Variants in PKHD1 observed in about 807,000 individuals in gnomAD.
PKHD1 encodes the protein fibrocystin.
In PKHD1, 291 loss-of-function variants were observed where a neutral mutation model predicts 412.0. The observed-to-expected ratio is 0.71, with a 90% CI of 0.64 to 0.78. PKHD1 has a LOEUF of 0.78. Among genes scored for constraint, PKHD1 ranks in the 30% least tolerant of loss-of-function variants. The pLI is 0.00. For missense variants in PKHD1, 4,825 were observed against 4,950.7 expected, an observed-to-expected ratio of 0.97 and a Z score of 0.76; for synonymous variants, 1,777 against 1,821.5, an observed-to-expected ratio of 0.98 and a Z score of 0.62.
At chr6:51,852,857 T>G (rs1772559625) in intron 49 of PKHD1, among the ~76,000 whole-genome samples, 1 of 152,174 alleles carries the variant, frequency 6.6e-6, no homozygotes, top group Admixed American at 6.5e-5. Flanking sequence ...GCCTGACTCC[T>G]TATCCAATTT....
chr6:51,739,151 C>T (rs1784241553), intron 60 of PKHD1, among the ~76,000 whole-genome samples: 1 of 147,456 alleles, frequency 6.8e-6, no homozygotes, highest in South Asian at 2.1e-4. Flanking sequence ...TACATACACA[C>T]ATATAAAATA....
chr6:51,659,957 T>C lies in PKHD1; in HGVS notation c.10169A>G (p.Glu3390Gly). Residue 3390 changes from glutamate (E) to glycine (G), a missense_variant, in exon 61 of 67, where the codon GAA becomes GGA. Glu to Gly is a moderately conservative substitution (Grantham distance 98). Coordinates refer to ENST00000371117, the MANE Select transcript of PKHD1 (RefSeq NM_138694.4). ...AAATTGGTATGTACATTTCTGTTCT[T>C]CTCTAAATGTACCTATAAAAGAAAA... is the stretch of plus-strand genomic sequence containing the variant. ...ASFFNAGTFR[E>G]EQKCTYQFLM... The C allele has an allele frequency of 6.3e-7, 1 of 1,597,844 alleles. No homozygotes were observed.
intron 52 of PKHD1, among the ~76,000 whole-genome samples, chr6:51,827,541 A>G (rs1767517395): frequency 6.6e-6 from 1 of 152,092 alleles, no homozygotes; most frequent in Non-Finnish European, 1.5e-5. Context: ...AAGGATCCCC[A>G]ATATACCCTT....
chr6:52,082,301 G>A, intron 4 of PKHD1, 91 bp downstream of exon 4: 1 of 1,298,704 alleles, frequency 7.7e-7, no homozygotes, highest in Non-Finnish European at 1.1e-6. Flanking sequence ...TTGAATCACA[G>A]CAAAAATTGC....
chr6:51,667,017 G>A (rs1367214574), intron 60 of PKHD1, among the ~76,000 whole-genome samples: 4 of 149,136 alleles, frequency 2.7e-5, no homozygotes, highest in African/African-American at 9.9e-5. Context: ...GTGTGCATGT[G>A]TCTTTATAGC....
At chr6:51,935,765 TA>T (rs1787375565) in intron 36 of PKHD1, among the ~76,000 whole-genome samples, 1 of 152,230 alleles carries the variant, frequency 6.6e-6, no homozygotes, top group Admixed American at 6.5e-5. Flanking sequence ...CCTCAGGGCA[TA>T]AGCTCTTCCC....
intron 36 of PKHD1, among the ~76,000 whole-genome samples, chr6:51,941,709 T>C (rs1788606651): frequency 6.6e-6 from 1 of 151,618 alleles, no homozygotes; most frequent in African/African-American, 2.4e-5. Flanking sequence ...CCATATACTC[T>C]CCTATCCTCA....
Position 51,772,788 on chromosome 6 carries a change from C to T in PKHD1, c.8556G>A (p.Gly2852=). ...TGTAAAGATGAACTTTCCCATAAAC[C>T]CCTGAAAATAAAAGGAGTAACAGTT... is the stretch of plus-strand genomic sequence containing the variant. ...NGIHIDPGTI[G]VYGKVHLYSA... Residue 2852 remains glycine (G), a splice_region_variant and synonymous_variant, in exon 55 of 67, where the codon GGG becomes GGA. Coordinates refer to ENST00000371117, the MANE Select transcript of PKHD1 (RefSeq NM_138694.4). The T allele has an allele frequency of 6.5e-7, 1 of 1,550,272 alleles. No individual in the cohort carries two copies. Among genetic ancestry groups the T allele is most frequent in the Non-Finnish European group, 8.9e-7 (1 of 1,122,622 alleles).
intron 66 of PKHD1, among the ~76,000 whole-genome samples, chr6:51,619,927 C>A (rs1766398351): frequency 6.6e-6 from 1 of 152,170 alleles, no homozygotes; most frequent in Non-Finnish European, 1.5e-5. Context: ...AATACTTAGG[C>A]TCTTATACCA....
chr6:51,941,480 C>A (rs1370635501), intron 36 of PKHD1, among the ~76,000 whole-genome samples: 1 of 150,532 alleles, frequency 6.6e-6, no homozygotes, highest in Admixed American at 6.6e-5. Context: ...TGGTCTCGAT[C>A]TCCTGACCTC....
chr6:51,801,654 T>TGAGAGAGA (rs10582944), intron 52 of PKHD1, among the ~76,000 whole-genome samples: 1 of 114,206 alleles, frequency 8.8e-6, no homozygotes, highest in Non-Finnish European at 1.8e-5. Context: ...TGTGTGTGTG[T>TGAGAGAGA]GAGAGAGAGA....
chr6:51,911,654 T>C, intron 39 of PKHD1, 145 bp downstream of exon 39: 2 of 714,018 alleles, frequency 2.8e-6, no homozygotes, highest in South Asian at 3.2e-5. Flanking sequence ...AAGAGCATTC[T>C]GAAAACTACA....
At chr6:51,627,239 T>A (rs1442330356) in intron 65 of PKHD1, 123 bp from the exon 66 acceptor site, 1 of 888,200 alleles carries the variant, frequency 1.1e-6, no homozygotes, top group Non-Finnish European at 1.9e-6. Flanking sequence ...ACAGAAAGCA[T>A]ATAACATATT....
At chr6:51,939,699 G>A (rs961677960) in intron 36 of PKHD1, among the ~76,000 whole-genome samples, 2 of 151,170 alleles carry the variant, frequency 1.3e-5, no homozygotes, top group East Asian at 1.9e-4. Flanking sequence ...TTCCCAATGC[G>A]ACTCATCCCA....
chr6:51,796,691 G>A (rs1049604059), intron 52 of PKHD1, among the ~76,000 whole-genome samples: 3 of 151,630 alleles, frequency 2.0e-5, no homozygotes, highest in Non-Finnish European at 2.9e-5. Flanking sequence ...ATTCTGGTAT[G>A]GTGTATCTTT....
At chr6:51,702,602 G>C (rs1004330852) in intron 60 of PKHD1, among the ~76,000 whole-genome samples, 2 of 151,588 alleles carry the variant, frequency 1.3e-5, no homozygotes, top group African/African-American at 4.8e-5. Flanking sequence ...CTGAGAAATT[G>C]GTACAAATTA....
chr6:52,079,052 T>C (rs549863927), intron 5 of PKHD1, among the ~76,000 whole-genome samples: 6 of 152,326 alleles, frequency 3.9e-5, no homozygotes, highest in Non-Finnish European at 2.9e-5. Context: ...GTGACTGCAT[T>C]GTATGTTTTG....
chr6:51,645,252 CT>C (rs1487156755), intron 63 of PKHD1, among the ~76,000 whole-genome samples: 4 of 152,058 alleles, frequency 2.6e-5, no homozygotes, highest in Non-Finnish European at 5.9e-5. Context: ...ACTTATTCCC[CT>C]ATTATAATAT....
intron 55 of PKHD1, among the ~76,000 whole-genome samples, chr6:51,770,404 T>C (rs894940599): frequency 6.6e-6 from 1 of 151,836 alleles, no homozygotes; most frequent in Non-Finnish European, 1.5e-5. Context: ...TAGATGTCAA[T>C]GATTTATTCT....
Sources: gnomAD v4.1 joint callset for allele counts (sites outside exome capture counted in the v4.1 genomes callset) on GRCh38, gnomAD v4.1.1 for gene constraint, MANE v1.5 for transcripts, NCBI Gene and HGNC (gene_info 2026-07-23, HGNC 2026-07-21) for gene names.